RERE: variants seen among roughly 807,000 people sequenced by gnomAD.
The protein encoded by RERE is arginine-glutamic acid dipeptide repeats protein.
A neutral mutation model predicts 146.1 loss-of-function variants in RERE; 40 were observed. That is an observed-to-expected ratio of 0.27 (90% CI 0.21 to 0.36). RERE has a LOEUF of 0.36. RERE is among the 10% of genes least tolerant of loss of function. RERE has a pLI of 1.00. For synonymous variants in RERE, 1,003 were observed against 866.0 expected (o/e 1.16, Z -2.78); for missense variants, 1,933 against 2,138.7 (o/e 0.90, Z 1.90).
chr1:8,490,318 C>T (rs1644963555), intron 10 of RERE, among the ~76,000 whole-genome samples: 4 of 145,258 alleles, frequency 2.8e-5, no homozygotes, highest in African/African-American at 1.1e-4. Flanking sequence ...GATCGCACCA[C>T]TGCACTCCAG....
At chr1:8,698,491 T>G (rs1639380731) in intron 1 of RERE, among the ~76,000 whole-genome samples, 1 of 152,148 alleles carries the variant, frequency 6.6e-6, no homozygotes, top group Admixed American at 6.5e-5. Flanking sequence ...CACAGTATAT[T>G]TACACTCTTT....
At chr1:8,471,903 C>T (rs12061328) in intron 10 of RERE, among the ~76,000 whole-genome samples, 90,258 of 151,928 alleles carry the variant, frequency 0.59, 27,334 homozygotes, top group East Asian at 0.83. Flanking sequence ...CCTCTGCCTC[C>T]CGGATTCATG....
intron 12 of RERE, among the ~76,000 whole-genome samples, chr1:8,409,837 C>T (rs1003693228): frequency 6.6e-6 from 1 of 152,128 alleles, no homozygotes; most frequent in African/African-American, 2.4e-5. Context: ...GTCCCTCTCC[C>T]AGGAGCAAAG....
chr1:8,443,923 G>C (rs1644285231), intron 11 of RERE, among the ~76,000 whole-genome samples: 1 of 152,256 alleles, frequency 6.6e-6, no homozygotes, highest in African/African-American at 2.4e-5. Context: ...GCCCAGGCCA[G>C]AAGCCTGCTG....
chr1:8,587,618 T>C (rs1455624794), intron 4 of RERE, among the ~76,000 whole-genome samples: 1 of 152,182 alleles, frequency 6.6e-6, no homozygotes. Flanking sequence ...GGAATTCTGA[T>C]CACATACTCA....
At chr1:8,771,217 T>A (rs1640942160) in intron 1 of RERE, among the ~76,000 whole-genome samples, 1 of 152,122 alleles carries the variant, frequency 6.6e-6, no homozygotes, top group South Asian at 2.1e-4. Context: ...GCTATCATTT[T>A]GGAGATTAGA....
intron 1 of RERE, among the ~76,000 whole-genome samples, chr1:8,788,367 T>G (rs544425343): frequency 1.3e-5 from 2 of 150,884 alleles, no homozygotes; most frequent in African/African-American, 4.8e-5. Flanking sequence ...AAGGAGTTTT[T>G]TTTTTTTTTT....
rs1190301105 is a variant in RERE, at chr1:8,353,668, T to C, written c.*1419A>G. 6.6e-6 allele frequency: 1 copy of C among 152,254 alleles called. No individual in the cohort carries two copies. Among genetic ancestry groups the C allele is most frequent in the African/African-American group, 2.4e-5 (1 of 41,454 alleles). 9.4% of individuals were successfully genotyped at this position (152,254 alleles called of 1,614,324 possible). A position where few individuals can be genotyped will look rare whatever the true frequency, so the allele number is the denominator to read the frequency against. On this transcript the variant is annotated 3_prime_UTR_variant, in exon 23 of 23. Transcript: ENST00000400908. ...CAGGACGGTTCCGCTCAGAAGGGCC[T>C]GGCCTCCTGAGAAGCAGCCCCCACA...
intron 1 of RERE, among the ~76,000 whole-genome samples, chr1:8,708,108 A>C (rs1639592608): frequency 6.6e-6 from 1 of 152,234 alleles, no homozygotes; most frequent in South Asian, 2.1e-4. Flanking sequence ...GGTAAGAGGA[A>C]ACTACTGTCC....
chr1:8,527,037 A>T (rs1233241241), intron 7 of RERE, among the ~76,000 whole-genome samples: 1 of 152,220 alleles, frequency 6.6e-6, no homozygotes, highest in Admixed American at 6.5e-5. Flanking sequence ...CAGGAAATTA[A>T]AGCCTGTTGA....
intron 1 of RERE, among the ~76,000 whole-genome samples, chr1:8,759,838 T>TAC (rs369646175): frequency 0.44 from 62,705 of 142,028 alleles, 13,808 homozygotes; most frequent in East Asian, 0.62. Flanking sequence ...ACTCTCTCTA[T>TAC]ACACACACAC....
chr1:8,689,822 T>G lies in RERE; in HGVS notation c.-144-33381A>C, dbSNP rs890565190. The stretch of plus-strand genomic sequence containing the variant: ...CAGGCTTAGTTAGCCACTTCCAAAA[T>G]GTAAACTGTAAATGTGGGAAACTCA... On this transcript the variant is annotated intron_variant, in intron 1 of 22. Coordinates refer to ENST00000400908, the MANE Select transcript of RERE (RefSeq NM_001042681.2). Among the ~76,000 whole-genome samples the G allele has an allele frequency of 4.5e-4, 67 of 149,296 alleles. 1 individual carries two copies. Among genetic ancestry groups the G allele is most frequent in the Middle Eastern group, 3.5e-3 (1 of 282 alleles).
At position 8,364,089 on chromosome 1, in the gene RERE, C is replaced by A. The variant is rs1216159282; in HGVS notation, c.1707G>T (p.Lys569Asn). 1 of 1,614,246 alleles carries A rather than the reference C, an allele frequency of 6.2e-7. No individual in the cohort carries two copies. The highest frequency in any genetic ancestry group is 8.5e-7 in the Non-Finnish European group (1 of 1,180,040). Residue 569 changes from lysine to asparagine, a missense_variant, in exon 15 of 23, where the codon AAG (lysine) becomes AAT (asparagine). Lys to Asn is a moderately conservative substitution (Grantham distance 94). Coordinates refer to ENST00000400908, the MANE Select transcript of RERE (RefSeq NM_001042681.2). The surrounding 1 kb of genome is among the most constrained non-coding windows in gnomAD (Gnocchi z 5.1). ...VKEEDDGLSG[K>N]HSMRTRRSRG... ...GACTCCGCCGTGTCCTCATGCTATG[C>A]TTCCCACTGAGCCCATCATCCTCTT...
chr1:8,747,549 T>C (rs989422361), intron 1 of RERE, among the ~76,000 whole-genome samples: 2 of 152,170 alleles, frequency 1.3e-5, no homozygotes, highest in African/African-American at 4.8e-5. Context: ...ATATTCATAC[T>C]TGATTTACTG....
intron 8 of RERE, among the ~76,000 whole-genome samples, chr1:8,507,735 A>ATTTTTTTTTTTTT (rs1404147445): frequency 4.8e-5 from 2 of 41,412 alleles, no homozygotes; most frequent in African/African-American, 2.8e-4. Flanking sequence ...AACATCTTTT[A>ATTTTTTTTTTTTT]TCTTTTTTTT....
chr1:8,697,802 T>C (rs1191616725), intron 1 of RERE, among the ~76,000 whole-genome samples: 1 of 152,198 alleles, frequency 6.6e-6, no homozygotes, highest in Non-Finnish European at 1.5e-5. Flanking sequence ...GTAGTGTCTG[T>C]GGCCAAAAAT....
rs564584397 is a variant in RERE at position 8,358,192 on chromosome 1, G to A, written c.4339+4C>T. On this transcript the variant is annotated splice_donor_region_variant and intron_variant, in intron 20 of 22. Transcript: ENST00000400908. The stretch of plus-strand genomic sequence containing the variant: ...TGTCCCACCTGCCACGCTGGGGCAC[G>A]CACCTTGGTGGAGGGGGTCCTGCTG... The A allele has an allele frequency of 9.3e-5, 148 of 1,585,788 alleles. No individual in the cohort carries two copies. Among genetic ancestry groups the A allele is most frequent in the Non-Finnish European group, 1.2e-4 (135 of 1,159,188 alleles).
At chr1:8,516,093 T>C (rs535709480) in intron 7 of RERE, among the ~76,000 whole-genome samples, 7 of 151,618 alleles carry the variant, frequency 4.6e-5, no homozygotes, top group African/African-American at 1.7e-4. Flanking sequence ...GGTGCAGTAG[T>C]GGGCACCTAT....
chr1:8,370,961 T>C (rs1294927461), intron 12 of RERE, among the ~76,000 whole-genome samples: 1 of 152,190 alleles, frequency 6.6e-6, no homozygotes, highest in Non-Finnish European at 1.5e-5. Flanking sequence ...GTTGTCGACA[T>C]GAATGGCCTA....
Sources: gnomAD v4.1 joint callset for allele counts (sites outside exome capture counted in the v4.1 genomes callset) on GRCh38, gnomAD v4.1.1 for gene constraint, Gnocchi (gnomAD v3.1) non-coding constraint, MANE v1.5 for transcripts, NCBI Gene and HGNC (gene_info 2026-07-23, HGNC 2026-07-21) for gene names.